The following VAV3 variants were observed in gnomAD, a reference collection of about 807,000 sequenced individuals.
VAV3 encodes the protein vav guanine nucleotide exchange factor 3, also known as guanine nucleotide exchange factor VAV3.
VAV3 carries 94 observed loss-of-function variants against 131.2 expected under a neutral mutation model. That is an observed-to-expected ratio of 0.72 (90% CI 0.61 to 0.85). The LOEUF (loss-of-function observed/expected upper bound fraction) is 0.85, where lower values mean the gene tolerates loss of function less well. VAV3 is among the 40% of genes least tolerant of loss of function. VAV3 has a pLI of 0.00. For synonymous variants in VAV3, 349 were observed against 342.0 expected (o/e 1.02, Z -0.22); for missense variants, 939 against 1,002.7 (o/e 0.94, Z 0.86).
Position 107,882,981 on chromosome 1 carries a change from C to G in VAV3, c.205-7964G>C, listed in dbSNP as rs139333841. On this transcript the variant is annotated intron_variant, in intron 1 of 26. Coordinates refer to ENST00000370056, the MANE Select transcript of VAV3 (RefSeq NM_006113.5). ...GGTTGTTCCTTAGCTGTAATCTTGT[C>G]ATCAGTTCACTAAACCAAAACCTCC... 4.1e-3 allele frequency among the ~76,000 whole-genome samples: 627 copies of G among 152,260 alleles called. 5 individuals are homozygous for G. The highest frequency in any genetic ancestry group is 0.014 in the African/African-American group (589 of 41,540).
At chr1:107,793,224 G>A (rs1186782591) in intron 2 of VAV3, among the ~76,000 whole-genome samples, 1 of 152,134 alleles carries the variant, frequency 6.6e-6, no homozygotes, top group Non-Finnish European at 1.5e-5. Flanking sequence ...CTGAGGCAGT[G>A]AGTAGTAGGG....
intron 2 of VAV3, among the ~76,000 whole-genome samples, chr1:107,782,844 G>T (rs1665769438): frequency 6.6e-6 from 1 of 152,164 alleles, no homozygotes; most frequent in African/African-American, 2.4e-5. Flanking sequence ...ATCCATTCAA[G>T]AATTTTTACA....
At chr1:107,959,163 A>G (rs1455350111) in intron 1 of VAV3, among the ~76,000 whole-genome samples, 2 of 152,126 alleles carry the variant, frequency 1.3e-5, no homozygotes, top group African/African-American at 4.8e-5. Context: ...TGGGAGGCTA[A>G]GGCAGGAGAA....
chr1:107,796,806 T>A (rs868527584), intron 2 of VAV3, among the ~76,000 whole-genome samples: 3,722 of 144,252 alleles, frequency 0.026, 84 homozygotes, highest in African/African-American at 0.062. Context: ...AAAAAAAAAA[T>A]ATATATATAT....
intron 1 of VAV3, among the ~76,000 whole-genome samples, chr1:107,926,051 G>A (rs1409302865): frequency 2.6e-5 from 4 of 151,974 alleles, no homozygotes; most frequent in Non-Finnish European, 5.9e-5. Context: ...AAGCCGAGGC[G>A]GGCAGATCAC....
intron 1 of VAV3, among the ~76,000 whole-genome samples, chr1:107,936,736 T>C (rs1016978934): frequency 6.6e-6 from 1 of 152,128 alleles, no homozygotes; most frequent in East Asian, 1.9e-4. Context: ...GCTGCTGACA[T>C]TGCCAAAGAA....
chr1:107,628,289 T>TC (rs1425641412), intron 20 of VAV3, among the ~76,000 whole-genome samples: 1 of 152,106 alleles, frequency 6.6e-6, no homozygotes, highest in Non-Finnish European at 1.5e-5. Context: ...AAAAAGCAAG[T>TC]CACCTGGACT....
chr1:107,913,016 T>G (rs114250833), intron 1 of VAV3, among the ~76,000 whole-genome samples: 2,831 of 152,350 alleles, frequency 0.019, 52 homozygotes, highest in Non-Finnish European at 0.029. Flanking sequence ...ATCTCATGTT[T>G]ATACTACCTC....
chr1:107,655,021 T>C (rs1656438597), intron 19 of VAV3, among the ~76,000 whole-genome samples: 1 of 152,076 alleles, frequency 6.6e-6, no homozygotes, highest in Non-Finnish European at 1.5e-5. Flanking sequence ...AATTAAGAGT[T>C]ATACATAGAA....
intron 20 of VAV3, among the ~76,000 whole-genome samples, chr1:107,640,385 A>T (rs1655256515): frequency 6.6e-6 from 1 of 152,160 alleles, no homozygotes; most frequent in African/African-American, 2.4e-5. Context: ...ATGCTATGTG[A>T]TGCACATCAA....
intron 2 of VAV3, among the ~76,000 whole-genome samples, chr1:107,845,458 T>C (rs547737350): frequency 6.6e-6 from 1 of 152,116 alleles, no homozygotes; most frequent in Non-Finnish European, 1.5e-5. Context: ...GTTTGACGAA[T>C]TGACAGAAGT....
intron 2 of VAV3, among the ~76,000 whole-genome samples, chr1:107,794,009 T>C (rs912604305): frequency 2.0e-5 from 3 of 152,250 alleles, no homozygotes; most frequent in Non-Finnish European, 1.5e-5. Context: ...CTGACTCTAG[T>C]TAATTACTGC....
chr1:107,885,258 T>TTC (rs71098652), intron 1 of VAV3, among the ~76,000 whole-genome samples: 114,180 of 151,730 alleles, frequency 0.75, 43,466 homozygotes, highest in African/African-American at 0.86. Context: ...TCGCTTTTAT[T>TTC]TTTTATTTTT....
chr1:107,729,705 T>C (rs1022247128), intron 15 of VAV3, among the ~76,000 whole-genome samples: 1 of 152,172 alleles, frequency 6.6e-6, no homozygotes, highest in Non-Finnish European at 1.5e-5. Context: ...AAGATGAGCA[T>C]CCAAAGCATA....
chr1:107,879,464 C>CA (rs2101031365), intron 1 of VAV3, among the ~76,000 whole-genome samples: 1 of 151,972 alleles, frequency 6.6e-6, no homozygotes, highest in East Asian at 1.9e-4. Context: ...TGTGTTCAGA[C>CA]AAAAAGAAAA....
At chr1:107,904,768 G>T (rs1172829269) in intron 1 of VAV3, among the ~76,000 whole-genome samples, 1 of 152,116 alleles carries the variant, frequency 6.6e-6, no homozygotes. Flanking sequence ...ACCATCATGA[G>T]ACTTTCTCTT....
At chr1:107,669,954 C>T (rs1030360066) in intron 19 of VAV3, among the ~76,000 whole-genome samples, 1 of 152,160 alleles carries the variant, frequency 6.6e-6, no homozygotes, top group Admixed American at 6.5e-5. Flanking sequence ...AAGATGATTT[C>T]ACAACTTTGC....
intron 1 of VAV3, among the ~76,000 whole-genome samples, chr1:107,887,350 A>C (rs1271509923): frequency 6.6e-6 from 1 of 152,250 alleles, no homozygotes; most frequent in Non-Finnish European, 1.5e-5. Flanking sequence ...TAAAAACAGC[A>C]ATATCAATAA....
chr1:107,746,687 G>GACTAT (rs1663366762), intron 15 of VAV3, among the ~76,000 whole-genome samples: 1 of 152,142 alleles, frequency 6.6e-6, no homozygotes, highest in Non-Finnish European at 1.5e-5. Context: ...GCGGCCACAT[G>GACTAT]ACTATACGTT....
Sources: gnomAD v4.1 joint callset for allele counts (sites outside exome capture counted in the v4.1 genomes callset) on GRCh38, gnomAD v4.1.1 for gene constraint, MANE v1.5 for transcripts, NCBI Gene and HGNC (gene_info 2026-07-23, HGNC 2026-07-21) for gene names.